The following WWOX variants were observed in gnomAD, a reference collection of about 807,000 sequenced individuals.
WWOX encodes the protein WW domain containing oxidoreductase.
Under a neutral mutation model 46.2 loss-of-function variants are expected in WWOX, and 69 were observed. The observed-to-expected ratio is 1.49, with a 90% CI of 1.23 to 1.82. WWOX has a LOEUF of 1.82. WWOX is among the 40% of genes most tolerant of loss of function. WWOX has a pLI of 0.00. For synonymous variants in WWOX, 359 were observed against 202.6 expected (o/e 1.77, Z -6.56); for missense variants, 919 against 542.6 (o/e 1.69, Z -6.89).
At chr16:78,104,700 T>A (rs1400345396) in intron 1 of WWOX, among the ~76,000 whole-genome samples, 1 of 152,202 alleles carries the variant, frequency 6.6e-6, no homozygotes, top group Non-Finnish European at 1.5e-5. Context: ...AGGGGACATG[T>A]GTTCTAATTT....
intron 8 of WWOX, among the ~76,000 whole-genome samples, chr16:78,850,918 G>A (rs116941032): frequency 6.6e-6 from 1 of 152,338 alleles, no homozygotes; most frequent in East Asian, 1.9e-4. Context: ...GATCAGTCAT[G>A]AATAAGGAAT....
At chr16:78,820,051 A>G (rs751820214) in intron 8 of WWOX, among the ~76,000 whole-genome samples, 1 of 152,132 alleles carries the variant, frequency 6.6e-6, no homozygotes, top group Non-Finnish European at 1.5e-5. Context: ...TGTTCTTACT[A>G]TTTACCTCTG....
At chr16:78,176,153 C>T (rs1184899684) in intron 5 of WWOX, among the ~76,000 whole-genome samples, 2 of 152,222 alleles carry the variant, frequency 1.3e-5, no homozygotes, top group Non-Finnish European at 2.9e-5. Context: ...GGCCCTGGTC[C>T]TGCCCTCCGA....
chr16:78,314,044 T>C (rs1307843280), intron 5 of WWOX, among the ~76,000 whole-genome samples: 2 of 152,110 alleles, frequency 1.3e-5, no homozygotes, highest in African/African-American at 4.8e-5. Context: ...ATCTATAAAA[T>C]GGAGCTGGGC....
intron 4 of WWOX, among the ~76,000 whole-genome samples, chr16:78,157,760 T>C (rs900423752): frequency 6.6e-6 from 1 of 152,208 alleles, no homozygotes; most frequent in African/African-American, 2.4e-5. Flanking sequence ...TGAATTCTGG[T>C]TGGTATTAAA....
chr16:78,793,596 C>A (rs1005569585), intron 8 of WWOX, among the ~76,000 whole-genome samples: 7 of 152,084 alleles, frequency 4.6e-5, no homozygotes, highest in African/African-American at 1.7e-4. Flanking sequence ...AAGAGGTAAC[C>A]TTTATTGTTT....
chr16:78,766,207 C>G (rs566031281), intron 8 of WWOX, among the ~76,000 whole-genome samples: 189 of 152,212 alleles, frequency 1.2e-3, no homozygotes, highest in African/African-American at 4.4e-3. Flanking sequence ...CTGGGCTACT[C>G]AAAAAAGGAT....
intron 8 of WWOX, among the ~76,000 whole-genome samples, chr16:79,197,694 T>A (rs953530586): frequency 2.0e-5 from 3 of 152,180 alleles, no homozygotes; most frequent in Non-Finnish European, 2.9e-5. Context: ...GAAAAACATA[T>A]TGCTTGGTAA....
chr16:79,066,902 C>G (rs1431610943), intron 8 of WWOX, among the ~76,000 whole-genome samples: 2 of 152,308 alleles, frequency 1.3e-5, no homozygotes, highest in East Asian at 1.9e-4. Flanking sequence ...GAAAAGGTAG[C>G]TACCATTGCA....
intron 5 of WWOX, among the ~76,000 whole-genome samples, chr16:78,193,613 C>T (rs1013447867): frequency 8.8e-5 from 2 of 22,704 alleles, no homozygotes; most frequent in Non-Finnish European, 1.7e-4. Flanking sequence ...CATTAGAATT[C>T]TTATGGAAAA....
At chr16:78,298,791 CAAAA>C (rs10607151) in intron 5 of WWOX, among the ~76,000 whole-genome samples, 131 of 136,790 alleles carry the variant, frequency 9.6e-4, no homozygotes, top group African/African-American at 3.1e-3. Context: ...AACTCTGTCT[CAAAA>C]AAAAAAAAAA....
intron 4 of WWOX, among the ~76,000 whole-genome samples, chr16:78,115,645 CT>C (rs2032743396): frequency 6.6e-6 from 1 of 152,168 alleles, no homozygotes; most frequent in Non-Finnish European, 1.5e-5. Flanking sequence ...GAGTTCCTGT[CT>C]TCACCTCTTA....
intron 8 of WWOX, among the ~76,000 whole-genome samples, chr16:79,086,995 G>C (rs1444857363): frequency 6.6e-6 from 1 of 152,230 alleles, no homozygotes; most frequent in Non-Finnish European, 1.5e-5. Flanking sequence ...TATGGTGAGA[G>C]AGGCAGCCTA....
chr16:78,943,889 A>G (rs986035985), intron 8 of WWOX, among the ~76,000 whole-genome samples: 7 of 152,146 alleles, frequency 4.6e-5, no homozygotes, highest in African/African-American at 1.7e-4. Context: ...CCCTGAGATG[A>G]AGCAGCAGCC....
chr16:78,292,808 A>C (rs2079881543), intron 5 of WWOX, among the ~76,000 whole-genome samples: 1 of 152,172 alleles, frequency 6.6e-6, no homozygotes, highest in Non-Finnish European at 1.5e-5. Context: ...TGTAGAGCTG[A>C]ATGTGCACTT....
intron 8 of WWOX, among the ~76,000 whole-genome samples, chr16:79,157,985 G>A (rs1303143983): frequency 1.3e-5 from 2 of 152,192 alleles, no homozygotes; most frequent in Non-Finnish European, 2.9e-5. Context: ...GTGGTGGGGT[G>A]TAAGTTCTGG....
chr16:79,121,650 G>A (rs1034926289), intron 8 of WWOX, among the ~76,000 whole-genome samples: 3 of 152,268 alleles, frequency 2.0e-5, no homozygotes, highest in East Asian at 3.9e-4. Flanking sequence ...AAGGTGGGAG[G>A]TGTGTTTTGG....
intron 4 of WWOX, among the ~76,000 whole-genome samples, chr16:78,144,592 G>A (rs2034135364): frequency 7.0e-6 from 1 of 142,560 alleles, no homozygotes; most frequent in Admixed American, 7.3e-5. Context: ...CGCGATCTGA[G>A]CTCACTGCAA....
At position 79,100,228 on chromosome 16, in the gene WWOX, T is replaced by C. The variant is rs182920486; in HGVS notation, c.1057-111380T>C. Reference sequence around the variant, plus strand: ...ACAAAATGGACCATCCCAGGGTAGATGTTAAAAAAAAGATACCCACCAAAG... The same window carrying C: ...ACAAAATGGACCATCCCAGGGTAGACGTTAAAAAAAAGATACCCACCAAAG... On this transcript the variant is annotated intron_variant, in intron 8 of 8. Transcript: ENST00000566780. 3.3e-5 allele frequency among the ~76,000 whole-genome samples: 5 copies of C among 152,204 alleles called. No homozygotes were observed. The East Asian group carries it at 9.7e-4, about 29-fold the overall frequency.
Sources: allele counts gnomAD v4.1 joint callset (sites outside exome capture counted in the v4.1 genomes callset), GRCh38; gene constraint gnomAD v4.1.1; transcripts MANE v1.5; gene names NCBI Gene and HGNC (gene_info 2026-07-23, HGNC 2026-07-21).